Variants in ILDR1 observed in about 807,000 individuals in gnomAD.
The protein encoded by ILDR1 is immunoglobulin like domain containing receptor 1.
ILDR1 carries 56 observed loss-of-function variants against 62.4 expected under a neutral mutation model. The observed-to-expected ratio is 0.90, with a 90% confidence interval of 0.72 to 1.12. The LOEUF is 1.12. Ranked by LOEUF, ILDR1 falls within the 50% of genes most tolerant of loss-of-function variation. The pLI, the probability that ILDR1 is intolerant of heterozygous loss-of-function variation, is 0.00. For missense variants in ILDR1, 736 were observed against 710.6 expected, an observed-to-expected ratio of 1.04 and a Z score of -0.41; for synonymous variants, 284 against 277.8, an observed-to-expected ratio of 1.02 and a Z score of -0.22.
chr3:121,993,582 T>A lies in ILDR1; in HGVS notation c.1167A>T (p.Ala389=), dbSNP rs779420938. 8 of 1,614,094 alleles carry A rather than the reference T, an allele frequency of 5.0e-6. No individual in the cohort carries two copies. The highest frequency in any genetic ancestry group is 1.6e-4 in the Middle Eastern group (1 of 6,084). The change falls in exon 7 of 8, where the codon GCA becomes GCT. Residue 389 remains alanine, a synonymous_variant. Transcript: ENST00000344209. ...ELQDRGPKSW[A]LERRELDPSW... Reference sequence around the variant, plus strand: ...ATGGGTCCAACTCCCTTCTTTCCAATGCCCAAGACTTTGGCCCCCGGTCCT... The same window carrying A: ...ATGGGTCCAACTCCCTTCTTTCCAAAGCCCAAGACTTTGGCCCCCGGTCCT...
chr3:121,997,501 C>T (rs1331490075), intron 5 of ILDR1, among the ~76,000 whole-genome samples: 2 of 152,240 alleles, frequency 1.3e-5, no homozygotes, highest in Non-Finnish European at 2.9e-5. Context: ...CTTAGGTCTT[C>T]CCCTGCCTGT....
the ILDR1 span, among the ~76,000 whole-genome samples, chr3:122,057,981 A>T: frequency 6.6e-6 from 1 of 152,210 alleles, no homozygotes; most frequent in African/African-American, 2.4e-5. Flanking sequence ...TAGCTATGTG[A>T]TTTTGGACAA....
intron 2 of ILDR1, among the ~76,000 whole-genome samples, chr3:122,006,491 G>T (rs1316118857): frequency 2.0e-5 from 3 of 152,118 alleles, no homozygotes; most frequent in Admixed American, 1.3e-4. Context: ...GGGCTGCCTG[G>T]GGGGGCACTG....
At chr3:122,008,652 G>A (rs1295784975) in intron 1 of ILDR1, among the ~76,000 whole-genome samples, 3 of 143,952 alleles carry the variant, frequency 2.1e-5, no homozygotes, top group African/African-American at 7.9e-5. Context: ...GGAGTGCAAT[G>A]GCACGATCTC....
At chr3:122,047,909 T>C in the ILDR1 span, among the ~76,000 whole-genome samples, 2 of 152,264 alleles carry the variant, frequency 1.3e-5, no homozygotes, top group Admixed American at 1.3e-4. Flanking sequence ...AGACCGGAGC[T>C]GTTCCTATTC....
At chr3:122,020,186 T>C (rs2071835541) in intron 1 of ILDR1, among the ~76,000 whole-genome samples, 1 of 152,238 alleles carries the variant, frequency 6.6e-6, no homozygotes, top group African/African-American at 2.4e-5. Context: ...CTGACTACTA[T>C]TATCACCCTA....
chr3:122,014,676 T>C (rs1186850065), intron 1 of ILDR1, among the ~76,000 whole-genome samples: 2 of 152,238 alleles, frequency 1.3e-5, no homozygotes, highest in African/African-American at 4.8e-5. Flanking sequence ...AATAGATACT[T>C]CAGGAAAGAA....
intron 2 of ILDR1, among the ~76,000 whole-genome samples, chr3:122,005,792 GGGAGGCTAAGGCA>G (rs1221420643): frequency 6.6e-6 from 1 of 151,982 alleles, no homozygotes; most frequent in Non-Finnish European, 1.5e-5. Context: ...CCAGCTACTC[GGGAGGCTAAGGCA>G]GGAGAGTCAC....
chr3:122,021,877 C>A, intron 1 of ILDR1, 143 bp downstream of exon 1: 1 of 731,858 alleles, frequency 1.4e-6, no homozygotes, highest in South Asian at 1.6e-5. Flanking sequence ...CCAGTCCCCG[C>A]ACCTCCTGGC....
intron 1 of ILDR1, among the ~76,000 whole-genome samples, chr3:122,018,171 A>C (rs1461744592): frequency 6.6e-6 from 1 of 152,236 alleles, no homozygotes; most frequent in East Asian, 1.9e-4. Flanking sequence ...GACTGGATTA[A>C]GAAAATGTGG....
the ILDR1 span, among the ~76,000 whole-genome samples, chr3:122,058,492 G>A: frequency 6.6e-6 from 1 of 152,160 alleles, no homozygotes; most frequent in Non-Finnish European, 1.5e-5. Flanking sequence ...GCTTTTGTAG[G>A]CCACCAGCTA....
At chr3:121,998,385 C>T (rs1363505218) in intron 5 of ILDR1, among the ~76,000 whole-genome samples, 1 of 152,240 alleles carries the variant, frequency 6.6e-6, no homozygotes, top group African/African-American at 2.4e-5. Context: ...TTTAATAACT[C>T]ATGCCCTTCC....
chr3:122,001,491 A>C (rs1032950062), intron 4 of ILDR1, 37 bp from the exon 5 acceptor site: 8 of 1,610,588 alleles, frequency 5.0e-6, no homozygotes, highest in Non-Finnish European at 5.1e-6. Flanking sequence ...TGAACTAAAT[A>C]TTCAGGGGGA....
the ILDR1 span, chr3:122,055,327 G>A: frequency 1.6e-6 from 1 of 633,904 alleles, no homozygotes; most frequent in Non-Finnish European, 2.8e-6. Flanking sequence ...AAGAGGAACA[G>A]CTTCTCTTAA....
At chr3:122,058,870 A>G in the ILDR1 span, among the ~76,000 whole-genome samples, 3 of 152,166 alleles carry the variant, frequency 2.0e-5, no homozygotes, top group African/African-American at 4.8e-5. Flanking sequence ...AAACCAGGGC[A>G]GTTATGGTGG....
chr3:122,041,911 T>C, the ILDR1 span, among the ~76,000 whole-genome samples: 4 of 94,542 alleles, frequency 4.2e-5, no homozygotes, highest in Admixed American at 3.6e-4. Flanking sequence ...TTTCTTTTTC[T>C]TTTTTTTTTT....
chr3:122,046,847 C>A, the ILDR1 span, among the ~76,000 whole-genome samples: 1 of 141,338 alleles, frequency 7.1e-6, no homozygotes, highest in Non-Finnish European at 1.5e-5. Context: ...TTTTCAACTT[C>A]TTTGCCTTTG....
chr3:122,017,339 GT>G (rs2071791118), intron 1 of ILDR1, among the ~76,000 whole-genome samples: 2 of 152,118 alleles, frequency 1.3e-5, no homozygotes, highest in Non-Finnish European at 2.9e-5. Context: ...GTGAGCCACC[GT>G]GCCCGGCCAG....
chr3:122,035,258 A>T, the ILDR1 span, among the ~76,000 whole-genome samples: 3 of 152,094 alleles, frequency 2.0e-5, no homozygotes, highest in Non-Finnish European at 4.4e-5. Flanking sequence ...AAGAAAAAAA[A>T]GTTTATCCCT....
Sources: allele counts gnomAD v4.1 joint callset (sites outside exome capture counted in the v4.1 genomes callset), GRCh38; gene constraint gnomAD v4.1.1; transcripts MANE v1.5; gene names NCBI Gene and HGNC (gene_info 2026-07-23, HGNC 2026-07-21).